LRRIQ3: variants seen among roughly 807,000 people sequenced by gnomAD.
LRRIQ3 encodes the protein leucine-rich repeat and IQ domain-containing protein 3.
In LRRIQ3, 75 loss-of-function variants were observed where a neutral mutation model predicts 59.3. The ratio of observed to expected loss-of-function variants is 1.26; its 90% CI spans 1.05 to 1.53. The LOEUF (loss-of-function observed/expected upper bound fraction) is 1.53, where lower values mean the gene tolerates loss of function less well. LRRIQ3 is among the 40% of genes most tolerant of loss of function. LRRIQ3 has a pLI of 0.00. For missense variants in LRRIQ3, 831 were observed against 710.0 expected (o/e 1.17, Z -1.94); for synonymous variants, 250 against 231.3 (o/e 1.08, Z -0.73).
intron 6 of LRRIQ3, among the ~76,000 whole-genome samples, chr1:74,049,973 G>C (rs1437969379): frequency 3.1e-4 from 45 of 145,378 alleles, no homozygotes; most frequent in African/African-American, 1.1e-3. Flanking sequence ...GCCCAGGCTA[G>C]AGTGCAATGG....
intron 5 of LRRIQ3, among the ~76,000 whole-genome samples, chr1:74,103,837 A>G (rs530312435): frequency 1.3e-5 from 2 of 151,826 alleles, no homozygotes; most frequent in East Asian, 3.9e-4. Flanking sequence ...AAAATACTAA[A>G]AGCAATCAAA....
At chr1:74,131,244 A>G (rs1209628032) in intron 4 of LRRIQ3, among the ~76,000 whole-genome samples, 1 of 152,100 alleles carries the variant, frequency 6.6e-6, no homozygotes, top group Non-Finnish European at 1.5e-5. Context: ...TAGCCTACAG[A>G]CCAAAAAAAG....
chr1:74,076,665 A>G (rs2100485205), intron 5 of LRRIQ3, among the ~76,000 whole-genome samples: 1 of 152,118 alleles, frequency 6.6e-6, no homozygotes, highest in South Asian at 2.1e-4. Flanking sequence ...CCCTGTATTT[A>G]CAATTTTCTT....
chr1:74,173,418 G>C (rs1469786292), intron 3 of LRRIQ3, among the ~76,000 whole-genome samples: 1 of 149,674 alleles, frequency 6.7e-6, no homozygotes, highest in Non-Finnish European at 1.5e-5. Flanking sequence ...GTTTTGTTTT[G>C]TAGTTCTCTT....
At position 74,155,869 on chromosome 1, in the gene LRRIQ3, G is replaced by A. The variant is rs1002925464; in HGVS notation, c.574-3C>T. 7 of 1,307,946 alleles carry A rather than the reference G, an allele frequency of 5.4e-6. No homozygotes were observed. The highest frequency in any genetic ancestry group is 6.2e-6 in the Non-Finnish European group (6 of 975,376). 81.0% of individuals were successfully genotyped at this position (1,307,946 alleles called of 1,614,324 possible). A position where few individuals can be genotyped will look rare whatever the true frequency, so the allele number is the denominator to read the frequency against. On this transcript the variant is annotated splice_region_variant and splice_polypyrimidine_tract_variant and intron_variant, in intron 3 of 7. Transcript: ENST00000354431. Reference sequence around the variant, plus strand: ...ATTTCCTCTTCATAGGTTGTTCCCTGTATAAAGAAAATATAATTAATAATT... The same window carrying A: ...ATTTCCTCTTCATAGGTTGTTCCCTATATAAAGAAAATATAATTAATAATT...
In LRRIQ3 at chr1:74,074,753, T is replaced by G; in HGVS notation, c.905A>C (p.Glu302Ala). The change falls in exon 6 of 8, where the codon GAA (glutamate) becomes GCA (alanine). Residue 302 changes from glutamate to alanine, a missense_variant. By Grantham distance (107) the Glu-to-Ala change is moderately radical. Transcript: ENST00000354431. ...YYPVDLKNSS[E>A]HRKHVSSILC... ...AATAGATGACACATGTTTTCTGTGT[T>G]CACTGGAATTTTTTAAATCAACAGG... 7.0e-7 allele frequency: 1 copy of G among 1,419,152 alleles called. No homozygotes were observed. Among genetic ancestry groups the G allele is most frequent in the Non-Finnish European group, 9.5e-7 (1 of 1,052,094 alleles). The allele number at this position is 1,419,152 out of a possible 1,614,324, so 87.9% of individuals were successfully genotyped here.
chr1:74,057,518 G>T (rs1044732866), intron 6 of LRRIQ3, among the ~76,000 whole-genome samples: 3 of 152,014 alleles, frequency 2.0e-5, no homozygotes, highest in Non-Finnish European at 2.9e-5. Flanking sequence ...TTTAATAAAT[G>T]GTGCTGCAAA....
At chr1:74,133,407 G>A (rs911077556) in intron 4 of LRRIQ3, among the ~76,000 whole-genome samples, 10 of 152,016 alleles carry the variant, frequency 6.6e-5, no homozygotes, top group Non-Finnish European at 2.9e-5. Flanking sequence ...AAAGACACAT[G>A]CACATGTATG....
intron 4 of LRRIQ3, chr1:74,144,580 A>T: frequency 3.6e-6 from 1 of 279,696 alleles, no homozygotes; most frequent in South Asian, 3.3e-5. Context: ...CAGCAAAAAA[A>T]ACCATTTACC....
chr1:74,071,524 G>A (rs941254882), intron 6 of LRRIQ3, among the ~76,000 whole-genome samples: 2 of 152,152 alleles, frequency 1.3e-5, no homozygotes, highest in Non-Finnish European at 2.9e-5. Flanking sequence ...TTCTCCAAGG[G>A]AAGAGAGGAC....
chr1:74,084,389 T>G (rs1646305149), intron 5 of LRRIQ3, among the ~76,000 whole-genome samples: 1 of 151,778 alleles, frequency 6.6e-6, no homozygotes, highest in Admixed American at 6.6e-5. Context: ...CTCCAAATGA[T>G]AGCAAGAAAC....
At chr1:74,140,976 C>A (rs1206828342) in intron 4 of LRRIQ3, among the ~76,000 whole-genome samples, 2 of 151,788 alleles carry the variant, frequency 1.3e-5, no homozygotes, top group African/African-American at 4.8e-5. Context: ...TCTTTCTTGA[C>A]AACCTCACCC....
At chr1:74,151,651 T>G (rs1044238882) in intron 4 of LRRIQ3, among the ~76,000 whole-genome samples, 3 of 152,068 alleles carry the variant, frequency 2.0e-5, no homozygotes, top group African/African-American at 4.8e-5. Context: ...TATGGTAAGA[T>G]CTAAAGGATC....
intron 3 of LRRIQ3, among the ~76,000 whole-genome samples, chr1:74,161,815 C>T (rs529897266): frequency 2.0e-5 from 3 of 151,788 alleles, no homozygotes; most frequent in Non-Finnish European, 4.4e-5. Flanking sequence ...AATACTTAAG[C>T]TTTCTGATGT....
intron 1 of LRRIQ3, among the ~76,000 whole-genome samples, chr1:74,191,619 T>C (rs1204570190): frequency 1.3e-5 from 2 of 152,002 alleles, no homozygotes; most frequent in African/African-American, 2.4e-5. Flanking sequence ...GGAATTAAAC[T>C]AGATATCAAT....
chr1:74,034,490 A>G (rs545231912), intron 7 of LRRIQ3, among the ~76,000 whole-genome samples: 1 of 152,032 alleles, frequency 6.6e-6, no homozygotes, highest in Middle Eastern at 3.4e-3. Flanking sequence ...CCAGATATTC[A>G]TTTTACTGTG....
chr1:74,026,845 C>A lies in LRRIQ3; in HGVS notation c.1843G>T (p.Asp615Tyr). The change falls in exon 8 of 8, where the codon GAC (aspartate) becomes TAC (tyrosine). Residue 615 changes from aspartate to tyrosine, a missense_variant. Coordinates refer to ENST00000354431, the MANE Select transcript of LRRIQ3 (RefSeq NM_001105659.2). ...ATCAGTCCATTGGGAACTTTAAAGT[C>A]TAAATTTGTTTTCACAATTGCTACT... ...TKVAIVKTNL[D>Y]FKVPNGLIK 1 of 1,607,922 alleles carries A rather than the reference C, an allele frequency of 6.2e-7. No homozygotes were observed. The highest frequency in any genetic ancestry group is 8.5e-7 in the Non-Finnish European group (1 of 1,177,512).
rs901120728 is a variant in LRRIQ3 at position 74,041,757 on chromosome 1, G to T, written c.1174C>A (p.Pro392Thr). 2.5e-6 allele frequency: 4 copies of T among 1,613,430 alleles called. No homozygotes were observed. The African/African-American group carries it at 5.3e-5, about 22-fold the overall frequency. ...PQPIYTTHPK[P>T]IIKKDIRLER... ...AATCGTATGTCTTTTTTAATGATTG[G>T]CTTTGGATGAGTAGTATAGATTGGC... Residue 392 changes from proline to threonine, a missense_variant, in exon 7 of 8, where the codon CCA becomes ACA. Coordinates refer to ENST00000354431, the MANE Select transcript of LRRIQ3 (RefSeq NM_001105659.2).
intron 4 of LRRIQ3, among the ~76,000 whole-genome samples, chr1:74,143,935 G>A (rs1647391057): frequency 1.3e-5 from 2 of 151,706 alleles, no homozygotes; most frequent in Admixed American, 6.6e-5. Context: ...ATCATTTCCT[G>A]ATTCATATAA....
Sources: allele counts gnomAD v4.1 joint callset (sites outside exome capture counted in the v4.1 genomes callset), GRCh38; gene constraint gnomAD v4.1.1; transcripts MANE v1.5; gene names NCBI Gene and HGNC (gene_info 2026-07-23, HGNC 2026-07-21).